The following PCDHA13 variants were observed in gnomAD, a reference collection of about 807,000 sequenced individuals.
PCDHA13 encodes the protein protocadherin alpha-13.
Under a neutral mutation model 64.8 loss-of-function variants are expected in PCDHA13, and 54 were observed. The ratio of observed to expected loss-of-function variants is 0.83; its 90% CI spans 0.67 to 1.04. The LOEUF (loss-of-function observed/expected upper bound fraction) is 1.04. Among genes scored for constraint, PCDHA13 ranks in the 50% least tolerant of loss-of-function variants. The pLI is 0.00. For synonymous variants in PCDHA13, 587 were observed against 564.4 expected (o/e 1.04, Z -0.57); for missense variants, 1,248 against 1,254.3 (o/e 0.99, Z 0.08).
chr5:140,932,704 A>G (rs1365268266), intron 1 of PCDHA13, among the ~76,000 whole-genome samples: 1 of 151,932 alleles, frequency 6.6e-6, no homozygotes, highest in Non-Finnish European at 1.5e-5. Context: ...ACTCATATAG[A>G]CAACACAATA....
chr5:140,981,721 A>G (rs2096948672), intron 2 of PCDHA13, among the ~76,000 whole-genome samples: 1 of 151,112 alleles, frequency 6.6e-6, no homozygotes, highest in Non-Finnish European at 1.5e-5. Context: ...TTCATCCAAC[A>G]AATATTTGAG....
intron 3 of PCDHA13, among the ~76,000 whole-genome samples, chr5:141,006,649 G>A (rs1377970510): frequency 2.6e-5 from 4 of 152,176 alleles, no homozygotes; most frequent in Admixed American, 2.0e-4. Context: ...AGAGATGATG[G>A]TGTCCTGAAA....
Position 141,010,222 on chromosome 5 carries a change from C to T in PCDHA13, c.*285C>T. 6.4e-7 allele frequency: 1 copy of T among 1,551,730 alleles called. No homozygotes were observed. The highest frequency in any genetic ancestry group is 2.4e-5 in the East Asian group (1 of 40,912). ...CCTCCGCCGCAAAGGAGAGGCTTCC[C>T]AGCCCCGCCAGTGAGAGGTTGGACT... On this transcript the variant is annotated 3_prime_UTR_variant, in exon 4 of 4. Transcript: ENST00000289272.
chr5:140,931,247 C>G (rs782447233), intron 1 of PCDHA13, among the ~76,000 whole-genome samples: 4 of 152,032 alleles, frequency 2.6e-5, no homozygotes, highest in African/African-American at 4.8e-5. Flanking sequence ...CTTTTCCTAC[C>G]AAGAAATTTC....
At chr5:140,959,494 T>G (rs2153722388) in intron 1 of PCDHA13, among the ~76,000 whole-genome samples, 1 of 152,286 alleles carries the variant, frequency 6.6e-6, no homozygotes, top group South Asian at 2.1e-4. Flanking sequence ...TATATATGGA[T>G]CAAACTAAAA....
intron 1 of PCDHA13, among the ~76,000 whole-genome samples, chr5:140,933,899 G>T (rs2089496307): frequency 6.6e-6 from 1 of 151,508 alleles, no homozygotes; most frequent in African/African-American, 2.4e-5. Flanking sequence ...TGAATATTTT[G>T]GCATAAAGTT....
At position 140,929,224 on chromosome 5, in the gene PCDHA13, G is replaced by A. The variant is rs138816649; in HGVS notation, c.2394+44562G>A. 8.1e-6 allele frequency: 13 copies of A among 1,613,792 alleles called. No individual in the cohort carries two copies. In the African/African-American group the frequency reaches 1.5e-4, roughly 18 times the overall value. ...GCTGTTGCGTGGGGAGTACAATGCT[G>A]CCGACCTGCGAAATCTTGCCACTGG... On this transcript the variant is annotated intron_variant, in intron 1 of 3. Transcript: ENST00000289272.
intron 3 of PCDHA13, among the ~76,000 whole-genome samples, chr5:140,995,186 A>T (rs2097669011): frequency 6.6e-6 from 1 of 152,132 alleles, no homozygotes; most frequent in Non-Finnish European, 1.5e-5. Flanking sequence ...ACCTATGATA[A>T]AGTTTAATTT....
intron 1 of PCDHA13, among the ~76,000 whole-genome samples, chr5:140,936,341 A>G (rs954946684): frequency 7.2e-5 from 11 of 152,172 alleles, no homozygotes; most frequent in African/African-American, 2.7e-4. Flanking sequence ...CTCTATCTGC[A>G]TATATGGAAT....
At chr5:140,900,438 C>G (rs573115268) in intron 1 of PCDHA13, among the ~76,000 whole-genome samples, 1 of 152,116 alleles carries the variant, frequency 6.6e-6, no homozygotes, top group East Asian at 1.9e-4. Context: ...CCACCACGGC[C>G]GGCTAATTTT....
In PCDHA13 at chr5:140,986,391, G is replaced by A. The variant is rs144915625; in HGVS notation, c.2542+3828G>A. Among the ~76,000 whole-genome samples, 1,153 of 152,256 alleles carry A rather than the reference G, an allele frequency of 7.6e-3. 6 individuals are homozygous for A. Among genetic ancestry groups the A allele is most frequent in the Middle Eastern group, 0.014 (4 of 294 alleles). ...GTTTTGGGGGGAGGGACATTAAAGG[G>A]CCAGTCGCTCATGTTACAGCTCTTT... On this transcript the variant is annotated intron_variant, in intron 3 of 3. Transcript: ENST00000289272.
chr5:140,909,214 T>C (rs1394994856), intron 1 of PCDHA13, among the ~76,000 whole-genome samples: 2 of 152,232 alleles, frequency 1.3e-5, no homozygotes, highest in African/African-American at 2.4e-5. Context: ...AGAGTTGATA[T>C]ACCCCTGAGG....
At chr5:140,988,348 A>T (rs2097293800) in intron 3 of PCDHA13, among the ~76,000 whole-genome samples, 1 of 152,116 alleles carries the variant, frequency 6.6e-6, no homozygotes, top group Admixed American at 6.6e-5. Flanking sequence ...TCCTTTTAAG[A>T]TGCACTTTTA....
chr5:140,945,346 A>C (rs2093775452), intron 1 of PCDHA13, among the ~76,000 whole-genome samples: 1 of 152,132 alleles, frequency 6.6e-6, no homozygotes, highest in South Asian at 2.1e-4. Context: ...AGCTTGGAAA[A>C]ATTAATACTG....
At position 140,898,329 on chromosome 5, in the gene PCDHA13, C is replaced by T. The variant is rs13158044; in HGVS notation, c.2394+13667C>T. Among the ~76,000 whole-genome samples the T allele has an allele frequency of 3.9e-5, 6 of 152,232 alleles. No homozygotes were observed. The East Asian group carries it at 7.7e-4, about 20-fold the overall frequency. On this transcript the variant is annotated intron_variant, in intron 1 of 3. Transcript: ENST00000289272. ...AGGGTTTTTATGGTTTTGGGTCTAA[C>T]GTTTAAGTCTTTAATCCATCTTGAA...
intron 1 of PCDHA13, chr5:140,928,901 T>A (rs781842258): frequency 6.2e-7 from 1 of 1,614,212 alleles, no homozygotes. Flanking sequence ...TTTGAAGATG[T>A]CTGGGAACCA....
intron 1 of PCDHA13, among the ~76,000 whole-genome samples, chr5:140,947,661 T>C (rs2094159982): frequency 6.6e-6 from 1 of 151,672 alleles, no homozygotes; most frequent in South Asian, 2.1e-4. Context: ...CTCCATTTAC[T>C]TGGGTCTTTA....
chr5:140,884,143 G>A lies in PCDHA13; in HGVS notation c.1875G>A (p.Gly625=). 6.2e-7 allele frequency: 1 copy of A among 1,613,438 alleles called. No individual in the cohort carries two copies. Among genetic ancestry groups the A allele is most frequent in the Non-Finnish European group, 8.5e-7 (1 of 1,179,746 alleles). Residue 625 remains glycine (G), a synonymous_variant, in exon 1 of 4, where the codon GGG becomes GGA. Transcript: ENST00000289272. ...AVGARIPFRV[G]LYTGEISTTR... is the part of the protein sequence containing the mutation. Reference sequence around the variant, plus strand: ...GCGCGCGCATCCCGTTCCGCGTGGGGCTGTACACTGGCGAGATCAGCACGA... The same window carrying A: ...GCGCGCGCATCCCGTTCCGCGTGGGACTGTACACTGGCGAGATCAGCACGA...
rs57893927 is a variant in PCDHA13 at position 140,946,631 on chromosome 5, T to TATATATAC, written c.2395-32317_2395-32316insTATATACA. Among the ~76,000 whole-genome samples the TATATATAC allele has an allele frequency of 9.9e-4, 130 of 131,716 alleles. 1 individual carries two copies. The highest frequency in any genetic ancestry group is 2.9e-3 in the East Asian group (14 of 4,862). 86.4% of individuals were successfully genotyped at this position (131,716 alleles called of 152,430 possible). A position where few individuals can be genotyped will look rare whatever the true frequency, so the allele number is the denominator to read the frequency against. ...TGTGAAATATATATATATATATATA[T>TATATATAC]ACAATGGAATACTCATCAGCCATTA... On this transcript the variant is annotated intron_variant, in intron 1 of 3. Coordinates refer to ENST00000289272, the MANE Select transcript of PCDHA13 (RefSeq NM_018904.3).
Sources: allele counts gnomAD v4.1 joint callset (sites outside exome capture counted in the v4.1 genomes callset), GRCh38; gene constraint gnomAD v4.1.1; transcripts MANE v1.5; gene names NCBI Gene and HGNC (gene_info 2026-07-23, HGNC 2026-07-21).